ULK4: variants seen among roughly 807,000 people sequenced by gnomAD.
ULK4 encodes unc-51 like kinase 4, also known as inactive serine/threonine-protein kinase ULK4.
In ULK4, 133 loss-of-function variants were observed where a neutral mutation model predicts 160.6. That is an observed-to-expected ratio of 0.83 (90% CI 0.72 to 0.96). The LOEUF (loss-of-function observed/expected upper bound fraction) is 0.96. Among genes scored for constraint, ULK4 ranks in the 40% least tolerant of loss-of-function variants. The probability of loss-of-function intolerance (pLI) is 0.00; values close to 1 mark genes in which losing one functional copy is unlikely to be tolerated. For synonymous variants in ULK4, 534 were observed against 539.8 expected (o/e 0.99, Z 0.15); for missense variants, 1,580 against 1,499.5 (o/e 1.05, Z -0.89).
intron 16 of ULK4, among the ~76,000 whole-genome samples, chr3:41,887,792 C>T (rs1697777328): frequency 6.6e-6 from 1 of 151,694 alleles, no homozygotes; most frequent in African/African-American, 2.4e-5. Context: ...CTACTGCACT[C>T]CCGCCTGGGT....
chr3:41,275,410 T>C (rs180735899), intron 35 of ULK4, among the ~76,000 whole-genome samples: 24 of 152,342 alleles, frequency 1.6e-4, no homozygotes, highest in Non-Finnish European at 2.9e-4. Flanking sequence ...ATTTAGGTGA[T>C]TTTGAAGCAA....
intron 25 of ULK4, 98 bp downstream of exon 25, chr3:41,715,139 A>G: frequency 8.1e-7 from 1 of 1,231,902 alleles, no homozygotes; most frequent in South Asian, 1.3e-5. Context: ...ATAAATACCA[A>G]CAGGATTTTT....
intron 30 of ULK4, among the ~76,000 whole-genome samples, chr3:41,624,836 G>C (rs1304373421): frequency 3.9e-5 from 6 of 152,084 alleles, no homozygotes; most frequent in Admixed American, 3.3e-4. Context: ...CATTCATCCA[G>C]TGATGGTCAT....
At chr3:41,737,006 T>C (rs2038077513) in intron 22 of ULK4, among the ~76,000 whole-genome samples, 1 of 151,920 alleles carries the variant, frequency 6.6e-6, no homozygotes, top group African/African-American at 2.4e-5. Context: ...TAGTTGTAGA[T>C]ATGTGGCATT....
intron 17 of ULK4, among the ~76,000 whole-genome samples, chr3:41,852,077 TA>T: frequency 6.6e-6 from 1 of 152,124 alleles, no homozygotes; most frequent in African/African-American, 2.4e-5. Context: ...CCCACAGAAA[TA>T]AAAACTACCA....
At chr3:41,953,544 C>A (rs1315831455) in intron 2 of ULK4, among the ~76,000 whole-genome samples, 1 of 151,414 alleles carries the variant, frequency 6.6e-6, no homozygotes, top group African/African-American at 2.4e-5. Flanking sequence ...GCTGGGATTA[C>A]AGGTGTGAGC....
At chr3:41,838,807 C>T (rs1304065866) in intron 17 of ULK4, among the ~76,000 whole-genome samples, 1 of 152,140 alleles carries the variant, frequency 6.6e-6, no homozygotes, top group African/African-American at 2.4e-5. Flanking sequence ...AACTTCAACA[C>T]CCCCCTCTCA....
chr3:41,937,414 T>C (rs1699811570), intron 3 of ULK4: 1 of 658,178 alleles, frequency 1.5e-6, no homozygotes. Context: ...AAATTCTAAG[T>C]ATCAATATAA....
chr3:41,515,449 T>C (rs148139711), intron 32 of ULK4, among the ~76,000 whole-genome samples: 2,092 of 152,042 alleles, frequency 0.014, 21 homozygotes, highest in Non-Finnish European at 0.02. Flanking sequence ...GCCAGACATA[T>C]AAGTAGAGGT....
intron 30 of ULK4, among the ~76,000 whole-genome samples, chr3:41,653,981 A>C (rs945578279): frequency 1.3e-5 from 2 of 152,236 alleles, no homozygotes; most frequent in African/African-American, 2.4e-5. Flanking sequence ...TTCCTTGTAA[A>C]TCTCACACCA....
chr3:41,644,076 C>G (rs921595171), intron 30 of ULK4, among the ~76,000 whole-genome samples: 2 of 152,148 alleles, frequency 1.3e-5, no homozygotes, highest in South Asian at 4.1e-4. Flanking sequence ...TGCTTATCAG[C>G]TTAAGGAGAT....
At chr3:41,400,905 G>A (rs1227369008) in intron 34 of ULK4, among the ~76,000 whole-genome samples, 1 of 152,276 alleles carries the variant, frequency 6.6e-6, no homozygotes, top group Middle Eastern at 3.4e-3. Context: ...TCTCATTGTA[G>A]TTTAAATTCA....
At chr3:41,851,876 A>T (rs1358364744) in intron 17 of ULK4, among the ~76,000 whole-genome samples, 3 of 152,204 alleles carry the variant, frequency 2.0e-5, no homozygotes, top group African/African-American at 7.2e-5. Context: ...AGCTAGCAGA[A>T]GGCAAGAAAT....
intron 21 of ULK4, among the ~76,000 whole-genome samples, chr3:41,782,569 A>T (rs2039881868): frequency 6.6e-6 from 1 of 152,336 alleles, no homozygotes; most frequent in East Asian, 1.9e-4. Context: ...AGATATAGAG[A>T]CTGTAATCAG....
chr3:41,496,698 C>A (rs2085003862), intron 32 of ULK4, among the ~76,000 whole-genome samples: 2 of 152,130 alleles, frequency 1.3e-5, no homozygotes, highest in African/African-American at 4.8e-5. Context: ...CAGCCACCTG[C>A]AAGCTGTTGA....
intron 34 of ULK4, among the ~76,000 whole-genome samples, chr3:41,449,804 A>T (rs1293834358): frequency 2.6e-5 from 4 of 151,096 alleles, no homozygotes; most frequent in Admixed American, 6.6e-5. Context: ...ACTTTTTTTT[A>T]AAACTGGCAC....
chr3:41,401,489 A>C (rs1288333951), intron 34 of ULK4, among the ~76,000 whole-genome samples: 1 of 152,202 alleles, frequency 6.6e-6, no homozygotes, highest in African/African-American at 2.4e-5. Flanking sequence ...AAGGGGCTCC[A>C]TAATCATCTG....
At chr3:41,601,333 T>A (rs1425280837) in intron 31 of ULK4, among the ~76,000 whole-genome samples, 1 of 152,152 alleles carries the variant, frequency 6.6e-6, no homozygotes, top group African/African-American at 2.4e-5. Flanking sequence ...GAAGAAATTT[T>A]AAAAACTGTC....
At chr3:41,686,978 G>A (rs1559485054) in intron 27 of ULK4, among the ~76,000 whole-genome samples, 1 of 152,150 alleles carries the variant, frequency 6.6e-6, no homozygotes, top group East Asian at 1.9e-4. Flanking sequence ...AGCACTTTGG[G>A]AGTGTGAGGT....
Sources: gnomAD v4.1 joint callset for allele counts (sites outside exome capture counted in the v4.1 genomes callset) on GRCh38, gnomAD v4.1.1 for gene constraint, MANE v1.5 for transcripts, NCBI Gene and HGNC (gene_info 2026-07-23, HGNC 2026-07-21) for gene names.